The following ARHGAP24 variants were observed in gnomAD, a reference collection of about 807,000 sequenced individuals.
ARHGAP24 encodes Rho GTPase activating protein 24.
Under a neutral mutation model 76.4 loss-of-function variants are expected in ARHGAP24, and 50 were observed. That is an observed-to-expected ratio of 0.65 (90% CI 0.52 to 0.83). The LOEUF (loss-of-function observed/expected upper bound fraction) is 0.83. Ranked by LOEUF, ARHGAP24 falls within the 40% of genes least tolerant of loss-of-function variation. The pLI is 0.00. For synonymous variants in ARHGAP24, 345 were observed against 323.3 expected (o/e 1.07, Z -0.72); for missense variants, 930 against 914.2 (o/e 1.02, Z -0.22).
intron 2 of ARHGAP24, among the ~76,000 whole-genome samples, chr4:85,694,425 C>G (rs921458081): frequency 6.6e-6 from 1 of 151,990 alleles, no homozygotes; most frequent in African/African-American, 2.4e-5. Context: ...TGGAGTAGGA[C>G]CTTTATCTGT....
At chr4:85,986,176 C>A (rs1213281865) in intron 8 of ARHGAP24, among the ~76,000 whole-genome samples, 1 of 152,036 alleles carries the variant, frequency 6.6e-6, no homozygotes, top group African/African-American at 2.4e-5. Flanking sequence ...TACCATTATT[C>A]TTCTTCTTGC....
chr4:85,989,986 T>C (rs1269317382), intron 8 of ARHGAP24: 2 of 151,788 alleles, frequency 1.3e-5, no homozygotes, highest in Admixed American at 6.6e-5. Flanking sequence ...GGTATAAAAT[T>C]GGAAAGGAAT....
intron 3 of ARHGAP24, among the ~76,000 whole-genome samples, chr4:85,860,995 TGCAC>T (rs1301409168): frequency 2.9e-4 from 39 of 134,052 alleles, no homozygotes; most frequent in African/African-American, 1.3e-3. Context: ...ATTCTGTGCA[TGCAC>T]GCACACACAC....
At chr4:85,808,937 G>T (rs1728901304) in intron 3 of ARHGAP24, among the ~76,000 whole-genome samples, 1 of 152,142 alleles carries the variant, frequency 6.6e-6, no homozygotes, top group Non-Finnish European at 1.5e-5. Context: ...ATGAACTGGG[G>T]ACTATGTCTT....
chr4:85,503,397 T>G (rs1379620546), intron 1 of ARHGAP24, among the ~76,000 whole-genome samples: 1 of 152,210 alleles, frequency 6.6e-6, no homozygotes, highest in East Asian at 1.9e-4. Context: ...TTTCAGAGCC[T>G]GTTATTGGTC....
At chr4:85,917,262 A>G (rs542924436) in intron 3 of ARHGAP24, among the ~76,000 whole-genome samples, 3,316 of 152,124 alleles carry the variant, frequency 0.022, 117 homozygotes, top group African/African-American at 0.073. Flanking sequence ...TTATGGCTGC[A>G]TAGTATTCCA....
At chr4:85,795,930 T>A (rs1358985391) in intron 3 of ARHGAP24, among the ~76,000 whole-genome samples, 1 of 152,158 alleles carries the variant, frequency 6.6e-6, no homozygotes, top group Non-Finnish European at 1.5e-5. Flanking sequence ...TTGGATAGTC[T>A]CTGGATCAAT....
At chr4:85,849,690 C>A (rs187945741) in intron 3 of ARHGAP24, among the ~76,000 whole-genome samples, 1 of 152,098 alleles carries the variant, frequency 6.6e-6, no homozygotes, top group Non-Finnish European at 1.5e-5. Flanking sequence ...GCCTTTTCTG[C>A]GTCTATTGAG....
At chr4:85,884,718 A>G (rs2148772123) in intron 3 of ARHGAP24, among the ~76,000 whole-genome samples, 1 of 152,358 alleles carries the variant, frequency 6.6e-6, no homozygotes. Context: ...TCTAGAAAAT[A>G]TGGAAGGTAA....
chr4:85,898,414 C>T (rs939082774), intron 3 of ARHGAP24, among the ~76,000 whole-genome samples: 10 of 152,074 alleles, frequency 6.6e-5, no homozygotes, highest in Admixed American at 3.3e-4. Flanking sequence ...CTCTTAGACA[C>T]GTATTTATAT....
At chr4:85,837,529 A>C (rs72658250) in intron 3 of ARHGAP24, among the ~76,000 whole-genome samples, 17 of 152,282 alleles carry the variant, frequency 1.1e-4, no homozygotes, top group Non-Finnish European at 2.4e-4. Flanking sequence ...AGAAAAACAA[A>C]AAAAAACAAG....
chr4:85,671,167 A>AT (rs1342204976), intron 2 of ARHGAP24, among the ~76,000 whole-genome samples: 1 of 152,050 alleles, frequency 6.6e-6, no homozygotes, highest in Non-Finnish European at 1.5e-5. Context: ...GCAAAACACA[A>AT]TTTTTTTAAT....
chr4:85,663,287 A>T (rs915080727), intron 2 of ARHGAP24, among the ~76,000 whole-genome samples: 1 of 137,672 alleles, frequency 7.3e-6, no homozygotes, highest in Admixed American at 7.4e-5. Flanking sequence ...GCAATTGTGA[A>T]TGGGAGTTCA....
chr4:85,808,912 A>G (rs1728900455), intron 3 of ARHGAP24, among the ~76,000 whole-genome samples: 1 of 152,238 alleles, frequency 6.6e-6, no homozygotes, highest in South Asian at 2.1e-4. Context: ...GCAGAAAACA[A>G]GCTCTGTGTT....
intron 2 of ARHGAP24, among the ~76,000 whole-genome samples, chr4:85,640,982 TTTAA>T (rs1382056063): frequency 6.6e-6 from 1 of 150,992 alleles, no homozygotes; most frequent in Non-Finnish European, 1.5e-5. Flanking sequence ...CTCAGAGAAA[TTTAA>T]TTAAGTTATT....
intron 2 of ARHGAP24, among the ~76,000 whole-genome samples, chr4:85,584,626 A>G (rs1727770158): frequency 6.6e-6 from 1 of 152,108 alleles, no homozygotes; most frequent in Non-Finnish European, 1.5e-5. Flanking sequence ...TCCCAAGGCT[A>G]GCAATTGGCA....
intron 2 of ARHGAP24, among the ~76,000 whole-genome samples, chr4:85,718,947 A>C (rs1724830763): frequency 6.6e-6 from 1 of 152,202 alleles, no homozygotes; most frequent in African/African-American, 2.4e-5. Context: ...TATATGGCAC[A>C]TGTACAATTC....
At chr4:85,918,738 A>T (rs756007210) in intron 3 of ARHGAP24, among the ~76,000 whole-genome samples, 1 of 152,178 alleles carries the variant, frequency 6.6e-6, no homozygotes, top group African/African-American at 2.4e-5. Context: ...ATCCAAATAT[A>T]TAGCATATCT....
intron 3 of ARHGAP24, among the ~76,000 whole-genome samples, chr4:85,800,046 C>T (rs1257135901): frequency 6.6e-6 from 1 of 152,086 alleles, no homozygotes; most frequent in Non-Finnish European, 1.5e-5. Flanking sequence ...TCAATTGGAT[C>T]CAGGAACATG....
Sources: allele counts gnomAD v4.1 joint callset (sites outside exome capture counted in the v4.1 genomes callset), GRCh38; gene constraint gnomAD v4.1.1; transcripts MANE v1.5; gene names NCBI Gene and HGNC (gene_info 2026-07-23, HGNC 2026-07-21).